The following BANK1 variants were observed in gnomAD, a reference collection of about 807,000 sequenced individuals.
BANK1 encodes B cell scaffold protein with ankyrin repeats 1, also known as B-cell scaffold protein with ankyrin repeats.
A neutral mutation model predicts 94.5 loss-of-function variants in BANK1; 95 were observed. The ratio of observed to expected loss-of-function variants is 1.00; its 90% CI spans 0.85 to 1.19. The LOEUF is 1.19. Ranked by LOEUF, BANK1 falls within the 50% of genes most tolerant of loss-of-function variation. The pLI, the probability that BANK1 is intolerant of heterozygous loss-of-function variation, is 0.00. For missense variants in BANK1, 987 were observed against 932.2 expected (o/e 1.06, Z -0.77); for synonymous variants, 334 against 308.4 (o/e 1.08, Z -0.87).
intron 2 of BANK1, among the ~76,000 whole-genome samples, chr4:101,852,515 T>C (rs1315013660): frequency 7.9e-6 from 1 of 125,976 alleles, no homozygotes; most frequent in African/African-American, 3.2e-5. Context: ...CACACACACA[T>C]ATAGTCTATT....
Position 101,839,937 on chromosome 4 carries a change from A to ATTTTTTTTTTTTTTT in BANK1, c.469+9766_469+9780dup, listed in dbSNP as rs70964197. ...GCTACTATATAATTTCAAATATTTA[A>ATTTTTTTTTTTTTTT]TTTTTTTTTTTTTTTTTTTTTTTTT... On this transcript the variant is annotated intron_variant, in intron 2 of 16. Coordinates refer to ENST00000322953, the MANE Select transcript of BANK1 (RefSeq NM_017935.5). Among the ~76,000 whole-genome samples the ATTTTTTTTTTTTTTT allele has an allele frequency of 1.7e-4, 9 of 53,090 alleles. 1 individual carries two copies. Among genetic ancestry groups the ATTTTTTTTTTTTTTT allele is most frequent in the African/African-American group, 3.8e-4 (5 of 13,330 alleles). The allele number at this position is 53,090 out of a possible 152,430, so 34.8% of individuals were successfully genotyped here.
chr4:102,054,161 C>G (rs1728148025), intron 11 of BANK1, among the ~76,000 whole-genome samples: 1 of 143,344 alleles, frequency 7.0e-6, no homozygotes, highest in African/African-American at 2.7e-5. Context: ...TATTATTTTC[C>G]TTTTTAAAAT....
chr4:102,018,115 T>C (rs567984047), intron 7 of BANK1, among the ~76,000 whole-genome samples: 23 of 152,316 alleles, frequency 1.5e-4, no homozygotes, highest in Admixed American at 1.1e-3. Flanking sequence ...GTTTTGTTTT[T>C]GAAAATGTGT....
At chr4:101,980,768 T>C (rs1354312905) in intron 7 of BANK1, among the ~76,000 whole-genome samples, 1 of 152,052 alleles carries the variant, frequency 6.6e-6, no homozygotes, top group African/African-American at 2.4e-5. Context: ...AAGATGGTTT[T>C]ACATTCTTCT....
At chr4:101,799,711 A>G (rs1014918551) in intron 1 of BANK1, among the ~76,000 whole-genome samples, 9 of 151,968 alleles carry the variant, frequency 5.9e-5, no homozygotes, top group Non-Finnish European at 8.8e-5. Context: ...CATCTCTACT[A>G]AAAACACAAA....
intron 10 of BANK1, among the ~76,000 whole-genome samples, chr4:102,033,426 C>T (rs968458968): frequency 3.9e-5 from 6 of 151,906 alleles, no homozygotes; most frequent in African/African-American, 1.5e-4. Context: ...ACATAAACAT[C>T]GATTGAGTGC....
chr4:102,013,068 A>G (rs564218635), intron 7 of BANK1, among the ~76,000 whole-genome samples: 1 of 152,226 alleles, frequency 6.6e-6, no homozygotes, highest in African/African-American at 2.4e-5. Flanking sequence ...TATTAACATG[A>G]TTTTGAAACT....
At chr4:101,982,623 A>G (rs1353594749) in intron 7 of BANK1, among the ~76,000 whole-genome samples, 23 of 152,130 alleles carry the variant, frequency 1.5e-4, no homozygotes, top group Non-Finnish European at 2.9e-5. Flanking sequence ...AGTACTTACT[A>G]TAACACTCAT....
intron 6 of BANK1, among the ~76,000 whole-genome samples, chr4:101,909,619 A>G (rs867485346): frequency 1.3e-5 from 2 of 152,190 alleles, no homozygotes; most frequent in Admixed American, 6.5e-5. Context: ...TCATTCCTGT[A>G]AACCTACAAC....
At chr4:101,828,780 T>C (rs1726478901) in intron 1 of BANK1, among the ~76,000 whole-genome samples, 1 of 152,164 alleles carries the variant, frequency 6.6e-6, no homozygotes, top group African/African-American at 2.4e-5. Flanking sequence ...TCTCTTATTG[T>C]GGTGACTTTG....
intron 7 of BANK1, among the ~76,000 whole-genome samples, chr4:102,014,734 T>C (rs535405274): frequency 2.6e-5 from 4 of 152,278 alleles, no homozygotes; most frequent in African/African-American, 9.6e-5. Context: ...TATTTTCGAC[T>C]AATTTAGCAG....
chr4:101,975,346 G>T (rs1725088332), intron 7 of BANK1, among the ~76,000 whole-genome samples: 1 of 152,150 alleles, frequency 6.6e-6, no homozygotes, highest in Non-Finnish European at 1.5e-5. Context: ...AAGATGAGTT[G>T]TTCATGTAAG....
intron 2 of BANK1, among the ~76,000 whole-genome samples, chr4:101,833,649 C>T (rs1421775786): frequency 2.6e-5 from 4 of 152,120 alleles, no homozygotes; most frequent in Non-Finnish European, 5.9e-5. Context: ...CTGTTTCCTC[C>T]TGTACACCCT....
chr4:101,928,597 CT>C (rs2148904382), intron 7 of BANK1, among the ~76,000 whole-genome samples: 1 of 151,750 alleles, frequency 6.6e-6, no homozygotes, highest in African/African-American at 2.4e-5. Flanking sequence ...AAATTTGGCT[CT>C]TGGTAAAATA....
chr4:102,065,641 A>G (rs1206409661), intron 13 of BANK1, among the ~76,000 whole-genome samples: 1 of 152,086 alleles, frequency 6.6e-6, no homozygotes, highest in Non-Finnish European at 1.5e-5. Flanking sequence ...ACTTTAAAGC[A>G]CCTTAAACAC....
chr4:102,065,722 A>T (rs1455663922), intron 13 of BANK1, among the ~76,000 whole-genome samples: 2 of 152,008 alleles, frequency 1.3e-5, no homozygotes, highest in Admixed American at 6.6e-5. Context: ...AAATGAAACT[A>T]TATAAAAGAA....
intron 5 of BANK1, among the ~76,000 whole-genome samples, chr4:101,884,033 T>C (rs1402667223): frequency 6.6e-6 from 1 of 152,194 alleles, no homozygotes; most frequent in Non-Finnish European, 1.5e-5. Flanking sequence ...ATAAAGTAGA[T>C]ATGTAATTTG....
At chr4:101,985,576 T>C (rs1725457544) in intron 7 of BANK1, among the ~76,000 whole-genome samples, 1 of 152,108 alleles carries the variant, frequency 6.6e-6, no homozygotes, top group Non-Finnish European at 1.5e-5. Context: ...TAGAAATGAG[T>C]GCTACTTGCT....
In BANK1 at chr4:101,803,641, T is replaced by G. The variant is rs534930735; in HGVS notation, c.70+12691T>G. Reference sequence around the variant, plus strand: ...TGTGGATTTTTTTCAATAAATATATTGGAAATTTTTTGGATATTTGCAACA... The same window carrying G: ...TGTGGATTTTTTTCAATAAATATATGGGAAATTTTTTGGATATTTGCAACA... On this transcript the variant is annotated intron_variant, in intron 1 of 16. Transcript: ENST00000322953. Among the ~76,000 whole-genome samples, 175 of 152,294 alleles carry G rather than the reference T, an allele frequency of 1.1e-3. 1 individual carries two copies. Among genetic ancestry groups the G allele is most frequent in the African/African-American group, 3.8e-3 (157 of 41,572 alleles).
Sources: allele counts gnomAD v4.1 joint callset (sites outside exome capture counted in the v4.1 genomes callset), GRCh38; gene constraint gnomAD v4.1.1; transcripts MANE v1.5; gene names NCBI Gene and HGNC (gene_info 2026-07-23, HGNC 2026-07-21).